Variants in COG5 observed in about 807,000 individuals in gnomAD.
COG5 encodes the protein conserved oligomeric Golgi complex subunit 5.
In COG5, 86 loss-of-function variants were observed where a neutral mutation model predicts 110.4. That is an observed-to-expected ratio of 0.78 (90% CI 0.65 to 0.93). The LOEUF is 0.93. COG5 is among the 40% of genes least tolerant of loss of function. The pLI, the probability that COG5 is intolerant of heterozygous loss-of-function variation, is 0.00. For missense variants in COG5, 1,077 were observed against 987.0 expected, an observed-to-expected ratio of 1.09 and a Z score of -1.22; for synonymous variants, 360 against 334.6, an observed-to-expected ratio of 1.08 and a Z score of -0.83.
intron 1 of COG5, among the ~76,000 whole-genome samples, chr7:107,562,264 G>T (rs1049272806): frequency 6.6e-6 from 1 of 152,160 alleles, no homozygotes; most frequent in Non-Finnish European, 1.5e-5. Context: ...ACAGAAGGCA[G>T]AACTGAAGAG....
chr7:107,303,607 A>C (rs535397331), intron 11 of COG5, among the ~76,000 whole-genome samples: 8 of 151,182 alleles, frequency 5.3e-5, no homozygotes, highest in Non-Finnish European at 1.2e-4. Context: ...TTTACTTTTT[A>C]ATTTTTGTAG....
At chr7:107,209,836 G>A (rs1024577558) in intron 21 of COG5, 25 of 985,450 alleles carry the variant, frequency 2.5e-5, no homozygotes, top group Non-Finnish European at 2.7e-5. Context: ...GGAAATGGCG[G>A]TCAACTGTAG....
At chr7:107,443,938 T>G (rs1244574455) in intron 6 of COG5, among the ~76,000 whole-genome samples, 1 of 152,228 alleles carries the variant, frequency 6.6e-6, no homozygotes, top group Admixed American at 6.5e-5. Context: ...CTGATTTGTT[T>G]GTAGGAATCT....
At position 107,434,595 on chromosome 7, in the gene COG5, A is replaced by C. The variant is rs576370362; in HGVS notation, c.539-21963T>G. Among the ~76,000 whole-genome samples the C allele has an allele frequency of 1.8e-3, 281 of 152,292 alleles. 2 individuals are homozygous for C. Among genetic ancestry groups the C allele is most frequent in the African/African-American group, 6.5e-3 (272 of 41,572 alleles). On this transcript the variant is annotated intron_variant, in intron 6 of 21. Transcript: ENST00000297135. ...AAAAACCTATTGAAATAAAAAATAA[A>C]TTAAGAGATAAAATTTTAAAAAAAG...
intron 6 of COG5, among the ~76,000 whole-genome samples, chr7:107,466,043 T>C (rs188062149): frequency 1.0e-3 from 155 of 151,912 alleles, no homozygotes; most frequent in African/African-American, 3.5e-3. Flanking sequence ...AAGAGAATTA[T>C]GCAAAGAAAA....
intron 2 of COG5, 29 bp from the exon 3 acceptor site, chr7:107,554,371 T>C: frequency 6.2e-7 from 1 of 1,601,894 alleles, no homozygotes; most frequent in East Asian, 2.2e-5. Flanking sequence ...TGATTAGCTT[T>C]TGCTCTGTTA....
intron 6 of COG5, among the ~76,000 whole-genome samples, chr7:107,525,998 G>C (rs2129155720): frequency 6.6e-6 from 1 of 152,306 alleles, no homozygotes; most frequent in South Asian, 2.1e-4. Flanking sequence ...CAATTGCAAT[G>C]CTGTTGAAGC....
chr7:107,450,315 A>G (rs760098623), intron 6 of COG5: 2 of 152,752 alleles, frequency 1.3e-5, no homozygotes, highest in African/African-American at 4.8e-5. Context: ...TTCCACCAAC[A>G]TGGCAAAGAT....
intron 10 of COG5, among the ~76,000 whole-genome samples, chr7:107,351,919 T>C (rs1812177488): frequency 6.7e-6 from 1 of 148,446 alleles, no homozygotes; most frequent in Non-Finnish European, 1.5e-5. Context: ...CTCAGGGATC[T>C]AGAAGTAGAA....
chr7:107,428,490 T>G (rs571553103), intron 6 of COG5, among the ~76,000 whole-genome samples: 2 of 152,162 alleles, frequency 1.3e-5, no homozygotes, highest in South Asian at 4.2e-4. Context: ...ACAACAAGAA[T>G]GACCACAATC....
chr7:107,245,225 G>C (rs951089517), intron 17 of COG5, among the ~76,000 whole-genome samples: 7 of 151,996 alleles, frequency 4.6e-5, no homozygotes, highest in Non-Finnish European at 8.8e-5. Flanking sequence ...AAAATAATAA[G>C]CACCATCCAT....
Position 107,504,909 on chromosome 7 carries a change from A to T in COG5, c.538+22328T>A, listed in dbSNP as rs562409977. On this transcript the variant is annotated intron_variant, in intron 6 of 21. Coordinates refer to ENST00000297135, the MANE Select transcript of COG5 (RefSeq NM_006348.5). ...TTTTTTTTCTTGGTTCATCTAGCTTAATGGTCTATCCATTTTGTTTATCTC... is the reference window on the plus strand; with the variant it reads ...TTTTTTTTCTTGGTTCATCTAGCTTTATGGTCTATCCATTTTGTTTATCTC... Among the ~76,000 whole-genome samples, 7 of 152,098 alleles carry T rather than the reference A, an allele frequency of 4.6e-5. No homozygotes were observed. The South Asian group carries it at 1.2e-3, about 27-fold the overall frequency.
In COG5 at chr7:107,258,288, G is replaced by T; in HGVS notation, c.1671C>A (p.His557Gln). 1 of 1,603,752 alleles carries T rather than the reference G, an allele frequency of 6.2e-7. No homozygotes were observed. Among genetic ancestry groups the T allele is most frequent in the Non-Finnish European group, 8.5e-7 (1 of 1,170,832 alleles). The change falls in exon 15 of 22, where the codon CAC (histidine) becomes CAA (glutamine). Residue 557 changes from histidine (H) to glutamine (Q), a missense_variant. Transcript: ENST00000297135. ...VAVVNSLYKL[H>Q]QSVTKVVSSQ... ...AAATAGTTACCTTTGTTACTGATTG[G>T]TGCAACTTATACAATGAATTCACTA...
intron 6 of COG5, among the ~76,000 whole-genome samples, chr7:107,505,788 C>T (rs1478278483): frequency 1.3e-5 from 2 of 152,190 alleles, no homozygotes; most frequent in Admixed American, 6.5e-5. Context: ...ATGTGGTACA[C>T]TCTCCCTTCC....
chr7:107,305,340 T>C (rs1487996985), intron 11 of COG5, among the ~76,000 whole-genome samples: 1 of 152,150 alleles, frequency 6.6e-6, no homozygotes, highest in Non-Finnish European at 1.5e-5. Flanking sequence ...GCTCATTCCT[T>C]TTCCTAACTG....
intron 14 of COG5, among the ~76,000 whole-genome samples, chr7:107,273,485 TA>T (rs1032439936): frequency 3.3e-5 from 5 of 152,162 alleles, no homozygotes; most frequent in African/African-American, 1.2e-4. Context: ...AGGGTAAGAT[TA>T]AAAGCTGTAC....
chr7:107,238,415 G>C (rs552735469), intron 17 of COG5, among the ~76,000 whole-genome samples: 1 of 152,300 alleles, frequency 6.6e-6, no homozygotes, highest in South Asian at 2.1e-4. Flanking sequence ...TGGACATTTA[G>C]ATTGATTCCA....
chr7:107,378,049 TG>T (rs1370364584), intron 7 of COG5, among the ~76,000 whole-genome samples: 1 of 152,184 alleles, frequency 6.6e-6, no homozygotes, highest in East Asian at 1.9e-4. Context: ...GGTGCCCCTC[TG>T]GGACGAAGCT....
At chr7:107,541,137 C>A (rs777857208) in intron 5 of COG5, among the ~76,000 whole-genome samples, 1 of 138,566 alleles carries the variant, frequency 7.2e-6, no homozygotes, top group Non-Finnish European at 1.6e-5. Context: ...GGCAACAGAG[C>A]GGGACTCTGT....
Sources: gnomAD v4.1 joint callset for allele counts (sites outside exome capture counted in the v4.1 genomes callset) on GRCh38, gnomAD v4.1.1 for gene constraint, MANE v1.5 for transcripts, NCBI Gene and HGNC (gene_info 2026-07-23, HGNC 2026-07-21) for gene names.